Variants in TRIM16 observed in about 807,000 individuals in gnomAD.
TRIM16 encodes the protein tripartite motif-containing protein 16.
In TRIM16, 33 loss-of-function variants were observed where a neutral mutation model predicts 50.4. The ratio of observed to expected loss-of-function variants is 0.65; its 90% CI spans 0.50 to 0.88. TRIM16 has a LOEUF of 0.88. Ranked by LOEUF, TRIM16 falls within the 40% of genes least tolerant of loss-of-function variation. TRIM16 has a pLI of 0.00. For missense variants in TRIM16, 581 were observed against 686.8 expected (o/e 0.85, Z 1.72); for synonymous variants, 229 against 270.7 (o/e 0.85, Z 1.51).
At chr17:15,671,695 GATA>G (rs964407910) in intron 6 of TRIM16, among the ~76,000 whole-genome samples, 46 of 152,098 alleles carry the variant, frequency 3.0e-4, no homozygotes, top group African/African-American at 1.1e-3. Flanking sequence ...TCATCATGAT[GATA>G]ATGATGTTAA....
At chr17:15,665,241 A>G (rs4792646) in intron 6 of TRIM16, among the ~76,000 whole-genome samples, 9,964 of 152,034 alleles carry the variant, frequency 0.066, 1,043 homozygotes, top group African/African-American at 0.22. Flanking sequence ...GGCCGGGCGC[A>G]GTGGCTCATG....
chr17:15,683,886 C>A (rs1388573790), intron 1 of TRIM16: 1 of 152,274 alleles, frequency 6.6e-6, no homozygotes, highest in Admixed American at 6.5e-5. Flanking sequence ...TGGTGCCTAA[C>A]CTGGCCCTGG....
At chr17:15,661,283 T>C (rs915055554) in intron 6 of TRIM16, among the ~76,000 whole-genome samples, 1 of 152,236 alleles carries the variant, frequency 6.6e-6, no homozygotes, top group Non-Finnish European at 1.5e-5. Context: ...AAGGAACTTG[T>C]ATGCTAATCT....
chr17:15,660,432 TC>T (rs200629360), intron 6 of TRIM16, among the ~76,000 whole-genome samples: 2,944 of 152,288 alleles, frequency 0.019, 49 homozygotes, highest in Non-Finnish European at 0.031. Context: ...GGTTTTGATT[TC>T]CACCTCACTG....
At position 15,651,075 on chromosome 17, in the gene TRIM16, G is replaced by C; in HGVS notation, c.519+16C>G. 1 of 1,590,608 alleles carries C rather than the reference G, an allele frequency of 6.3e-7. No individual in the cohort carries two copies. The highest frequency in any genetic ancestry group is 8.6e-7 in the Non-Finnish European group (1 of 1,167,254). ...CCGCCCTCTCCCAAATGGATGAATG[G>C]TCCCCAAGCACTCACCTCCTTGTCC... On this transcript the variant is annotated intron_variant, in intron 7 of 11. Transcript: ENST00000649191.
intron 6 of TRIM16, among the ~76,000 whole-genome samples, chr17:15,662,516 A>G (rs1436461138): frequency 6.6e-6 from 1 of 152,192 alleles, no homozygotes; most frequent in South Asian, 2.1e-4. Flanking sequence ...CCATTCTTAA[A>G]TTTCATCTTT....
chr17:15,638,798 G>T (rs967395460), intron 8 of TRIM16, among the ~76,000 whole-genome samples: 10 of 146,844 alleles, frequency 6.8e-5, no homozygotes, highest in Non-Finnish European at 1.5e-4. Flanking sequence ...TCTGGGCCCA[G>T]GCTTAGTGGG....
rs1986265269 is a variant in TRIM16, at chr17:15,629,108, C to T, written c.1202G>A (p.Trp401Ter). The change falls in exon 12 of 12, where the codon TGG becomes TAG. Residue 401 changes from tryptophan (W) to a stop codon, truncating the protein, a stop_gained. Coordinates refer to ENST00000649191, the MANE Select transcript of TRIM16 (RefSeq NM_001348119.1). LOFTEE classifies it high-confidence loss of function. ...GGGGAGGTCCGGGTAGGGATGCTCC[C>T]AGGGCGTGGTGTTGGTGACCTTGCG... The part of the protein sequence containing the change: ...ENRKVTNTTP[W>*]EHPYPDLPSR... The T allele has an allele frequency of 1.9e-6, 3 of 1,613,692 alleles. No individual in the cohort carries two copies. In the African/African-American group the frequency reaches 4.0e-5, roughly 22 times the overall value.
chr17:15,629,665 A>G (rs1986307957), intron 11 of TRIM16, among the ~76,000 whole-genome samples: 1 of 152,262 alleles, frequency 6.6e-6, no homozygotes, highest in African/African-American at 2.4e-5. Flanking sequence ...AAGAACTCTC[A>G]AACACGCCCT....
rs185894577 is a variant in TRIM16, at chr17:15,644,210, G to A, written c.520-1394C>T. ...TTGTGTCTTTGTTTATTTTGAGATGGAGTCTCGCTCTGTCTCCCAGGCTGG... is the reference window on the plus strand; with the variant it reads ...TTGTGTCTTTGTTTATTTTGAGATGAAGTCTCGCTCTGTCTCCCAGGCTGG... On this transcript the variant is annotated intron_variant, in intron 7 of 11. Transcript: ENST00000649191. Among the ~76,000 whole-genome samples, 179 of 152,228 alleles carry A rather than the reference G, an allele frequency of 1.2e-3. 2 individuals are homozygous for A. Among genetic ancestry groups the A allele is most frequent in the Non-Finnish European group, 1.8e-3 (121 of 68,016 alleles).
chr17:15,633,622 C>T (rs1290180458), intron 9 of TRIM16, among the ~76,000 whole-genome samples: 2 of 145,978 alleles, frequency 1.4e-5, no homozygotes, highest in East Asian at 4.3e-4. Context: ...TCACTGCAAC[C>T]TCTTGCCTGC....
intron 6 of TRIM16, among the ~76,000 whole-genome samples, chr17:15,656,422 C>T (rs1459952326): frequency 6.6e-6 from 1 of 152,140 alleles, no homozygotes; most frequent in African/African-American, 2.4e-5. Context: ...ACTTGAATGT[C>T]CCCCAAAGAC....
intron 6 of TRIM16, among the ~76,000 whole-genome samples, chr17:15,653,347 C>CGTGG: frequency 6.6e-6 from 1 of 152,280 alleles, no homozygotes; most frequent in African/African-American, 2.4e-5. Context: ...GTTACCCCCA[C>CGTGG]CCCCTCAGGT....
At chr17:15,634,903 CT>C (rs1432587600) in intron 9 of TRIM16, among the ~76,000 whole-genome samples, 1 of 148,952 alleles carries the variant, frequency 6.7e-6, no homozygotes, top group East Asian at 2.0e-4. Flanking sequence ...TTAAGGGAAA[CT>C]TGTGAGGCGG....
chr17:15,638,532 T>A (rs1986961490), intron 8 of TRIM16, among the ~76,000 whole-genome samples: 1 of 149,262 alleles, frequency 6.7e-6, no homozygotes, highest in Non-Finnish European at 1.5e-5. Context: ...ATTGCGCCAC[T>A]GCACTCCAGC....
At chr17:15,662,204 A>G (rs1471206460) in intron 6 of TRIM16, among the ~76,000 whole-genome samples, 1 of 152,162 alleles carries the variant, frequency 6.6e-6, no homozygotes, top group African/African-American at 2.4e-5. Flanking sequence ...TTGGCTCTTA[A>G]AAGAGATATT....
intron 9 of TRIM16, among the ~76,000 whole-genome samples, chr17:15,635,116 C>G (rs2150900965): frequency 6.8e-6 from 1 of 146,604 alleles, no homozygotes; most frequent in South Asian, 2.2e-4. Flanking sequence ...TCACAATAAA[C>G]ATTTGTTTTT....
At chr17:15,633,540 C>CTT (rs555202357) in intron 9 of TRIM16, among the ~76,000 whole-genome samples, 12 of 128,680 alleles carry the variant, frequency 9.3e-5, no homozygotes, top group Non-Finnish European at 1.2e-4. Context: ...AAATAAATAT[C>CTT]TTTTTTTTTT....
intron 7 of TRIM16, among the ~76,000 whole-genome samples, chr17:15,646,969 CT>C (rs145313229): frequency 3.3e-3 from 464 of 140,252 alleles, no homozygotes; most frequent in Middle Eastern, 3.8e-3. Flanking sequence ...GAAATAAATT[CT>C]TTTTTTTTTT....
Sources: allele counts gnomAD v4.1 joint callset (sites outside exome capture counted in the v4.1 genomes callset), GRCh38; gene constraint gnomAD v4.1.1; transcripts MANE v1.5; gene names NCBI Gene and HGNC (gene_info 2026-07-23, HGNC 2026-07-21).